The following FKTN variants were observed in gnomAD, a reference collection of about 807,000 sequenced individuals.
The protein encoded by FKTN is ribitol-5-phosphate transferase FKTN.
FKTN carries 47 observed loss-of-function variants against 58.6 expected under a neutral mutation model. The observed-to-expected ratio is 0.80, with a 90% CI of 0.63 to 1.02. FKTN has a LOEUF of 1.02. Among genes scored for constraint, FKTN ranks in the 50% least tolerant of loss-of-function variants. FKTN has a pLI of 0.00. For missense variants in FKTN, 516 were observed against 537.3 expected, an observed-to-expected ratio of 0.96 and a Z score of 0.39; for synonymous variants, 178 against 191.9, an observed-to-expected ratio of 0.93 and a Z score of 0.60.
At chr9:105,580,222 C>A (rs953211825) in intron 3 of FKTN, among the ~76,000 whole-genome samples, 2 of 152,112 alleles carry the variant, frequency 1.3e-5, no homozygotes, top group African/African-American at 4.8e-5. Context: ...ATGTTAGCTG[C>A]TGATTTTCCT....
At chr9:105,632,441 T>TAAA (rs1382569760) in intron 10 of FKTN, among the ~76,000 whole-genome samples, 2 of 144,224 alleles carry the variant, frequency 1.4e-5, no homozygotes, top group African/African-American at 5.5e-5. Context: ...TATATATATA[T>TAAA]AAAAATAAAA....
intron 10 of FKTN, among the ~76,000 whole-genome samples, chr9:105,632,919 A>G (rs1833669370): frequency 6.6e-6 from 1 of 152,226 alleles, no homozygotes; most frequent in Non-Finnish European, 1.5e-5. Flanking sequence ...AAGCCAAGGT[A>G]ACATTGCAGA....
rs138145252 is a variant in FKTN at position 105,596,004 on chromosome 9, C to T, written c.106-594C>T. ...AACTCATAATAATTTTCTTCTGATG[C>T]TCTAGACCTGAAATATCTTTTATAA... On this transcript the variant is annotated intron_variant, in intron 3 of 10. Transcript: ENST00000357998. Among the ~76,000 whole-genome samples the T allele has an allele frequency of 3.1e-3, 472 of 152,248 alleles. 4 individuals are homozygous for T. Among genetic ancestry groups the T allele is most frequent in the African/African-American group, 0.011 (445 of 41,554 alleles).
Position 105,619,982 on chromosome 9 carries a change from C to T in FKTN, c.1093C>T (p.Leu365Phe). 6.2e-7 allele frequency: 1 copy of T among 1,612,560 alleles called. No individual in the cohort carries two copies. Among genetic ancestry groups the T allele is most frequent in the Non-Finnish European group, 8.5e-7 (1 of 1,178,948 alleles). Residue 365 changes from leucine (L) to phenylalanine (F), a missense_variant, in exon 10 of 11, where the codon CTT (leucine) becomes TTT (phenylalanine). Physicochemically the swap from Leu to Phe is conservative, Grantham distance 22. Transcript: ENST00000357998. ...CTTCCAGGGAAAAGATGATGTAAAA[C>T]TTGATGTTTTTTTCTTCTATGAAGA... Reference protein sequence around the residue: ...LSFQGKDDVKLDVFFFYEETD... With the variant: ...LSFQGKDDVKFDVFFFYEETD...
At chr9:105,570,044 A>G (rs1840464556) in intron 1 of FKTN, among the ~76,000 whole-genome samples, 1 of 151,992 alleles carries the variant, frequency 6.6e-6, no homozygotes, top group Non-Finnish European at 1.5e-5. Context: ...TCTATGCCAT[A>G]TCTCTCTATA....
At chr9:105,621,626 C>G (rs748226756) in intron 10 of FKTN, among the ~76,000 whole-genome samples, 3 of 151,934 alleles carry the variant, frequency 2.0e-5, no homozygotes, top group Non-Finnish European at 2.9e-5. Context: ...AACATATGCT[C>G]GTATACATAT....
At chr9:105,601,026 G>A (rs1827781667) in intron 4 of FKTN, 119 bp from the exon 5 acceptor site, 1 of 663,514 alleles carries the variant, frequency 1.5e-6, no homozygotes, top group African/African-American at 1.8e-5. Context: ...ACAATGATAA[G>A]CATGGTATCT....
intron 10 of FKTN, among the ~76,000 whole-genome samples, chr9:105,627,757 C>T (rs1230395927): frequency 3.3e-5 from 5 of 151,308 alleles, no homozygotes; most frequent in African/African-American, 1.2e-4. Context: ...TTTTCTTTTT[C>T]TTTCCCTCTC....
chr9:105,585,348 C>T (rs1843721021), intron 3 of FKTN, among the ~76,000 whole-genome samples: 1 of 152,004 alleles, frequency 6.6e-6, no homozygotes, highest in Admixed American at 6.6e-5. Flanking sequence ...TCCCTCTGAG[C>T]CCAGGAGTTT....
intron 10 of FKTN, chr9:105,624,460 T>G (rs973147204): frequency 6.6e-6 from 1 of 151,686 alleles, no homozygotes; most frequent in Non-Finnish European, 1.5e-5. Context: ...AACCCTGGCT[T>G]TATATAAAAA....
At chr9:105,604,031 T>C (rs1218079284) in intron 5 of FKTN, among the ~76,000 whole-genome samples, 184 bp from the exon 6 acceptor site, 1 of 152,132 alleles carries the variant, frequency 6.6e-6, no homozygotes, top group Admixed American at 6.6e-5. Context: ...TGCTTTCCTT[T>C]ATTCTCCCAC....
At chr9:105,579,609 G>T (rs568890508) in intron 3 of FKTN, among the ~76,000 whole-genome samples, 14 of 149,596 alleles carry the variant, frequency 9.4e-5, no homozygotes, top group Admixed American at 2.7e-4. Flanking sequence ...TTTGGAATAG[G>T]TGTGGTGTGG....
Position 105,635,953 on chromosome 9 carries a change from TG to T in FKTN, c.*690del, listed in dbSNP as rs1259734077. On this transcript the variant is annotated 3_prime_UTR_variant, in exon 11 of 11. Coordinates refer to ENST00000357998, the MANE Select transcript of FKTN (RefSeq NM_001079802.2). ...ATATGTGAAGTGAGAAGAAACTTTATGCTTGTTTAATGCTTAAATTTCCATC... is the reference window on the plus strand; with the variant it reads ...ATATGTGAAGTGAGAAGAAACTTTATCTTGTTTAATGCTTAAATTTCCATC... 2.0e-6 allele frequency: 2 copies of T among 985,842 alleles called. No homozygotes were observed. The highest frequency in any genetic ancestry group is 2.4e-6 in the Non-Finnish European group (2 of 830,296). 61.1% of individuals were successfully genotyped at this position (985,842 alleles called of 1,614,324 possible). A position where few individuals can be genotyped will look rare whatever the true frequency, so the allele number is the denominator to read the frequency against.
At chr9:105,604,098 CA>C in intron 5 of FKTN, 116 bp from the exon 6 acceptor site, 3 of 1,098,136 alleles carry the variant, frequency 2.7e-6, no homozygotes, top group Non-Finnish European at 4.1e-6. Context: ...CAGATTAGCA[CA>C]AAAATATGGC....
chr9:105,581,802 G>T (rs182582631), intron 3 of FKTN, among the ~76,000 whole-genome samples: 5,048 of 152,236 alleles, frequency 0.033, 170 homozygotes, highest in African/African-American at 0.09. Flanking sequence ...CAGACTGCTG[G>T]GCTAGCAATC....
At chr9:105,609,696 GT>G (rs999833575) in intron 7 of FKTN, among the ~76,000 whole-genome samples, 6 of 152,144 alleles carry the variant, frequency 3.9e-5, no homozygotes, top group Non-Finnish European at 7.3e-5. Flanking sequence ...TTGTCCGGGG[GT>G]TCCTCATGTT....
chr9:105,569,869 TTTTTC>T (rs1840434506), intron 1 of FKTN, among the ~76,000 whole-genome samples: 1 of 152,174 alleles, frequency 6.6e-6, no homozygotes, highest in African/African-American at 2.4e-5. Flanking sequence ...TCTGCAATAC[TTTTTC>T]TTTTCTTTTC....
chr9:105,639,112 C>G lies in FKTN; in HGVS notation c.*3848C>G. The stretch of plus-strand genomic sequence containing the variant: ...CTTAGGAGAAATATTCCCTCAAAAC[C>G]TAGTCAAGAAAGTGCCACATTCCCA... On this transcript the variant is annotated 3_prime_UTR_variant, in exon 11 of 11. Coordinates refer to ENST00000357998, the MANE Select transcript of FKTN (RefSeq NM_001079802.2). The G allele has an allele frequency of 1.0e-6, 1 of 985,102 alleles. No homozygotes were observed. The highest frequency in any genetic ancestry group is 4.7e-5 in the South Asian group (1 of 21,262). 61.0% of individuals were successfully genotyped at this position (985,102 alleles called of 1,614,324 possible).
intron 1 of FKTN, among the ~76,000 whole-genome samples, chr9:105,569,794 CT>C (rs919514278): frequency 1.3e-5 from 2 of 152,002 alleles, no homozygotes; most frequent in East Asian, 1.9e-4. Flanking sequence ...CTCGTTACAT[CT>C]TTTTTTTCCC....
Sources: gnomAD v4.1 joint callset for allele counts (sites outside exome capture counted in the v4.1 genomes callset) on GRCh38, gnomAD v4.1.1 for gene constraint, MANE v1.5 for transcripts, NCBI Gene and HGNC (gene_info 2026-07-23, HGNC 2026-07-21) for gene names.